Variants in CHIT1 observed in about 807,000 individuals in gnomAD.
The protein encoded by CHIT1 is chitotriosidase-1.
A neutral mutation model predicts 52.0 loss-of-function variants in CHIT1; 47 were observed. The observed-to-expected ratio is 0.90, with a 90% CI of 0.71 to 1.15. The LOEUF is 1.15. Among genes scored for constraint, CHIT1 ranks in the 50% most tolerant of loss-of-function variants. The pLI is 0.00. For missense variants in CHIT1, 569 were observed against 583.0 expected (o/e 0.98, Z 0.25); for synonymous variants, 242 against 228.2 (o/e 1.06, Z -0.54).
At chr1:203,223,380 A>G in intron 5 of CHIT1, 115 bp downstream of exon 5, 1 of 1,600,112 alleles carries the variant, frequency 6.2e-7, no homozygotes, top group Non-Finnish European at 8.6e-7. Flanking sequence ...GATCTGTGCC[A>G]TGCAGATACG....
At chr1:203,228,148 C>G (rs1052680653) in intron 2 of CHIT1, among the ~76,000 whole-genome samples, 1 of 152,222 alleles carries the variant, frequency 6.6e-6, no homozygotes, top group Non-Finnish European at 1.5e-5. Flanking sequence ...GGTTCCTTAC[C>G]TGCAGCAACT....
chr1:203,216,874 A>C lies in CHIT1; in HGVS notation c.*15T>G. On this transcript the variant is annotated 3_prime_UTR_variant, in exon 11 of 11. Transcript: ENST00000367229. ...GGCCCAGCCTCAAAGCTGGGACTGGAGGGGCTTTAGCGACTCAATTCCAGG... is the reference window on the plus strand; with the variant it reads ...GGCCCAGCCTCAAAGCTGGGACTGGCGGGGCTTTAGCGACTCAATTCCAGG... 6.2e-7 allele frequency: 1 copy of C among 1,613,748 alleles called. No individual in the cohort carries two copies. Among genetic ancestry groups the C allele is most frequent in the South Asian group, 1.1e-5 (1 of 91,048 alleles).
chr1:203,219,353 G>A (rs765213010), intron 8 of CHIT1, 24 bp from the exon 9 acceptor site: 13 of 1,365,122 alleles, frequency 9.5e-6, no homozygotes, highest in South Asian at 3.5e-5. Context: ...AGGCAGCACT[G>A]GGGAGGAGGA....
At chr1:203,223,991 C>T (rs968642597) in intron 4 of CHIT1, among the ~76,000 whole-genome samples, 1 of 152,150 alleles carries the variant, frequency 6.6e-6, no homozygotes, top group African/African-American at 2.4e-5. Context: ...CTAGTTGACA[C>T]CCTCAGAATG....
Position 203,219,246 on chromosome 1 carries a change from GC to G in CHIT1, c.998del (p.Gly333AlafsTer15). The G allele has an allele frequency of 6.2e-7, 1 of 1,609,860 alleles. No homozygotes were observed. Among genetic ancestry groups the G allele is most frequent in the Non-Finnish European group, 8.5e-7 (1 of 1,176,094 alleles). Reference sequence around the variant, plus strand: ...TTTTGAAGCTCTCCACATCATCAAAGCCCACCCACTGGTTGTCCCGGAAGAT... The same window carrying G: ...TTTTGAAGCTCTCCACATCATCAAAGCCACCCACTGGTTGTCCCGGAAGAT... ...PYIFRDNQWVGFDDVESFKTK... is the reference protein window; with the variant it reads ...PYIFRDNQWVXFDDVESFKTK... On this transcript the variant is annotated frameshift_variant, in exon 9 of 11. Transcript: ENST00000367229. LOFTEE classifies it high-confidence loss of function.
Position 203,217,012 on chromosome 1 carries a change from C to G in CHIT1, c.1278G>C (p.Gly426=). The change falls in exon 11 of 11, where the codon GGG becomes GGC. Residue 426 remains glycine, a synonymous_variant. Coordinates refer to ENST00000367229, the MANE Select transcript of CHIT1 (RefSeq NM_003465.3). ...QDTFCQGKAD[G]LYPNPRERSS... ...ACCGTTCCCGAGGATTGGGATAGAGCCCATCAGCTTTGCCCTGGCAGAACG... is the reference window on the plus strand; with the variant it reads ...ACCGTTCCCGAGGATTGGGATAGAGGCCATCAGCTTTGCCCTGGCAGAACG... 6.2e-7 allele frequency: 1 copy of G among 1,614,202 alleles called. No individual in the cohort carries two copies. Among genetic ancestry groups the G allele is most frequent in the East Asian group, 2.2e-5 (1 of 44,886 alleles).
At position 203,223,601 on chromosome 1, in the gene CHIT1, C is replaced by T. The variant is rs1389930010; in HGVS notation, c.374G>A (p.Arg125Lys). The T allele has an allele frequency of 1.2e-6, 2 of 1,614,118 alleles. No individual in the cohort carries two copies. Among genetic ancestry groups the T allele is most frequent in the African/African-American group, 1.3e-5 (1 of 74,938 alleles). Residue 125 changes from arginine to lysine, a missense_variant, in exon 5 of 11, where the codon AGG becomes AAG. Arg to Lys is a conservative substitution (Grantham distance 26). Coordinates refer to ENST00000367229, the MANE Select transcript of CHIT1 (RefSeq NM_003465.3). Reference protein sequence around the residue: ...NRQTFVNSAIRFLRKYSFDGL... With the variant: ...NRQTFVNSAIKFLRKYSFDGL... ...GTCAAAGCTGTATTTGCGCAGAAAC[C>T]TGATGGCCGAGTTGACAAAGGTCTG... is the stretch of plus-strand genomic sequence containing the variant.
At position 203,216,801 on chromosome 1, in the gene CHIT1, T is replaced by C; in HGVS notation, c.*88A>G. 6.4e-7 allele frequency: 1 copy of C among 1,572,634 alleles called. No homozygotes were observed. The highest frequency in any genetic ancestry group is 8.7e-7 in the Non-Finnish European group (1 of 1,145,554). On this transcript the variant is annotated 3_prime_UTR_variant, in exon 11 of 11. Transcript: ENST00000367229. ...CACAGAAAGGCCTGCAGGAGCCAGA[T>C]TGCGGCCCCCAGGGAAAACCCAGGA...
chr1:203,217,188 C>T (rs1656565508), intron 10 of CHIT1, 55 bp from the exon 11 acceptor site: 3 of 1,598,662 alleles, frequency 1.9e-6, no homozygotes, highest in Non-Finnish European at 2.5e-6. Flanking sequence ...CCCAAACCCA[C>T]AGGCAGAGCA....
At chr1:203,219,144 T>C in intron 9 of CHIT1, 72 bp downstream of exon 9, 1 of 825,710 alleles carries the variant, frequency 1.2e-6, no homozygotes, top group African/African-American at 1.7e-5. Context: ...GGTCCTGAAC[T>C]GTCCTCATTC....
intron 4 of CHIT1, 22 bp downstream of exon 4, chr1:203,225,026 C>T (rs1238138002): frequency 6.2e-7 from 1 of 1,609,540 alleles, no homozygotes. Flanking sequence ...CTTTACCACA[C>T]AGGTGACCAC....
intron 8 of CHIT1, 51 bp downstream of exon 8, chr1:203,219,613 C>T (rs750654869): frequency 1.2e-6 from 2 of 1,601,490 alleles, no homozygotes; most frequent in Non-Finnish European, 1.7e-6. Flanking sequence ...TCTGTTCTCT[C>T]AGGCACCCCC....
intron 9 of CHIT1, chr1:203,218,116 G>A: frequency 6.8e-7 from 1 of 1,461,690 alleles, no homozygotes; most frequent in Non-Finnish European, 9.1e-7. Flanking sequence ...GTGCAGTCGG[G>A]AGGAATAGTG....
intron 8 of CHIT1, 132 bp downstream of exon 8, chr1:203,219,532 A>T: frequency 8.7e-7 from 1 of 1,155,320 alleles, no homozygotes; most frequent in Non-Finnish European, 1.3e-6. Context: ...GGCATGGATG[A>T]GATGGAATTT....
At chr1:203,229,093 G>A (rs144772218) in intron 1 of CHIT1, among the ~76,000 whole-genome samples, 285 of 152,278 alleles carry the variant, frequency 1.9e-3, no homozygotes, top group Non-Finnish European at 2.9e-3. Context: ...GGACTCCTTC[G>A]AAGAGATCTC....
chr1:203,220,804 G>T (rs1014824676), intron 7 of CHIT1, among the ~76,000 whole-genome samples: 1 of 152,208 alleles, frequency 6.6e-6, no homozygotes, highest in Non-Finnish European at 1.5e-5. Flanking sequence ...ATCTGTTATA[G>T]CACTTTTGTG....
At chr1:203,220,413 T>C (rs1038347602) in intron 7 of CHIT1, among the ~76,000 whole-genome samples, 2 of 152,222 alleles carry the variant, frequency 1.3e-5, no homozygotes, top group African/African-American at 4.8e-5. Flanking sequence ...GCTTTATTTA[T>C]CTCTGTATCC....
In CHIT1 at chr1:203,225,966, C is replaced by T. The variant is rs181054202; in HGVS notation, c.56-96G>A. 1.2e-5 allele frequency: 16 copies of T among 1,297,500 alleles called. No individual in the cohort carries two copies. The African/African-American group carries it at 2.0e-4, about 17-fold the overall frequency. 80.4% of individuals were successfully genotyped at this position (1,297,500 alleles called of 1,614,324 possible). On this transcript the variant is annotated intron_variant, in intron 2 of 10. Coordinates refer to ENST00000367229, the MANE Select transcript of CHIT1 (RefSeq NM_003465.3). ...GGGGTAGGCAATGTCCTTGGACCTC[C>T]CTCTTCTACACCTGGAGTCAGTGGA...
upstream of CHIT1, chr1:203,229,813 A>G (rs1388873426): frequency 5.5e-6 from 4 of 721,984 alleles, no homozygotes. Flanking sequence ...AATTGGGCAA[A>G]CTTGACACAA....
Sources: gnomAD v4.1 joint callset for allele counts (sites outside exome capture counted in the v4.1 genomes callset) on GRCh38, gnomAD v4.1.1 for gene constraint, MANE v1.5 for transcripts, NCBI Gene and HGNC (gene_info 2026-07-23, HGNC 2026-07-21) for gene names.